Variants in RASAL2 observed in about 807,000 individuals in gnomAD.
RASAL2 encodes RAS protein activator like 2.
RASAL2 carries 58 observed loss-of-function variants against 128.9 expected under a neutral mutation model. The ratio of observed to expected loss-of-function variants is 0.45; its 90% CI spans 0.36 to 0.56. RASAL2 has a LOEUF of 0.56. Among genes scored for constraint, RASAL2 ranks in the 20% least tolerant of loss-of-function variants. The pLI is 0.00. For missense variants in RASAL2, 1,360 were observed against 1,601.6 expected (o/e 0.85, Z 2.57); for synonymous variants, 561 against 580.8 (o/e 0.97, Z 0.49).
chr1:178,163,769 C>T (rs1661417797), intron 1 of RASAL2, among the ~76,000 whole-genome samples: 1 of 152,044 alleles, frequency 6.6e-6, no homozygotes, highest in African/African-American at 2.4e-5. Context: ...TTTGGAGGCC[C>T]TTGTTATTCC....
At chr1:178,431,828 A>G (rs891458059) in intron 5 of RASAL2, among the ~76,000 whole-genome samples, 4 of 150,508 alleles carry the variant, frequency 2.7e-5, no homozygotes, top group African/African-American at 7.3e-5. Context: ...ATGTAAATGA[A>G]TATGTATATA....
intron 1 of RASAL2, among the ~76,000 whole-genome samples, chr1:178,270,319 T>C (rs1182922420): frequency 6.6e-6 from 1 of 152,130 alleles, no homozygotes; most frequent in Non-Finnish European, 1.5e-5. Flanking sequence ...TGCCTATTAT[T>C]TTTATCTTGA....
At chr1:178,275,475 G>T (rs930645771) in intron 1 of RASAL2, among the ~76,000 whole-genome samples, 5 of 152,200 alleles carry the variant, frequency 3.3e-5, no homozygotes, top group Admixed American at 6.5e-5. Flanking sequence ...GAGAAGCAAG[G>T]TAGAACTATC....
intron 3 of RASAL2, among the ~76,000 whole-genome samples, chr1:178,386,701 T>C (rs1672593301): frequency 6.6e-6 from 1 of 152,236 alleles, no homozygotes; most frequent in African/African-American, 2.4e-5. Context: ...TGTATCTCTC[T>C]TGTCTCATCA....
intron 1 of RASAL2, among the ~76,000 whole-genome samples, chr1:178,232,795 T>G (rs1664064054): frequency 6.6e-6 from 1 of 152,002 alleles, no homozygotes; most frequent in Non-Finnish European, 1.5e-5. Flanking sequence ...CTAGGCAAGG[T>G]TTTTTTTCTT....
At chr1:178,417,617 C>T (rs1016572625) in intron 4 of RASAL2, among the ~76,000 whole-genome samples, 1 of 151,672 alleles carries the variant, frequency 6.6e-6, no homozygotes, top group Admixed American at 6.6e-5. Context: ...CAAAATTAGC[C>T]AGGTGTGTAA....
chr1:178,442,996 G>T lies in RASAL2; in HGVS notation c.1249G>T (p.Val417Leu), dbSNP rs988321552. 2.5e-6 allele frequency: 4 copies of T among 1,613,948 alleles called. No individual in the cohort carries two copies. Among genetic ancestry groups the T allele is most frequent in the Non-Finnish European group, 3.4e-6 (4 of 1,179,984 alleles). ...GRQFVEKWYP[V>L]STPTPNKGKT... ...CCAATTTGTAGAAAAGTGGTATCCA[G>T]TGAGTACACCTACACCCAACAAAGG... The change falls in exon 8 of 18, where the codon GTG becomes TTG. Residue 417 changes from valine to leucine, a missense_variant. Around this residue, in one of 3 missense-constraint regions of RASAL2, gnomAD observed 617 missense variants for 714.2 expected, o/e 0.86. Transcript: ENST00000367649.
intron 3 of RASAL2, among the ~76,000 whole-genome samples, chr1:178,302,655 T>C (rs1667817148): frequency 6.6e-6 from 1 of 152,206 alleles, no homozygotes; most frequent in African/African-American, 2.4e-5. Context: ...AAGTTGATTC[T>C]AAAATTCATC....
chr1:178,138,407 A>C (rs976019487), intron 1 of RASAL2, among the ~76,000 whole-genome samples: 2 of 152,218 alleles, frequency 1.3e-5, no homozygotes, highest in Admixed American at 6.5e-5. Context: ...AAAGTTTTAC[A>C]TAAAGTACTT....
chr1:178,452,370 T>A, intron 10 of RASAL2, 46 bp from the exon 11 acceptor site: 1 of 1,510,770 alleles, frequency 6.6e-7, no homozygotes, highest in Non-Finnish European at 9.2e-7. Context: ...GTGCTTGTAC[T>A]GGTACTTCTG....
At chr1:178,216,074 G>A (rs1311773768) in intron 1 of RASAL2, among the ~76,000 whole-genome samples, 1 of 152,198 alleles carries the variant, frequency 6.6e-6, no homozygotes, top group Non-Finnish European at 1.5e-5. Flanking sequence ...TTTAGAGGTT[G>A]ACAATGAGAG....
chr1:178,262,884 G>C (rs1193614091), intron 1 of RASAL2, among the ~76,000 whole-genome samples: 1 of 147,704 alleles, frequency 6.8e-6, no homozygotes, highest in East Asian at 2.0e-4. Flanking sequence ...CTAAATAACA[G>C]AAAGTGTTTT....
At chr1:178,187,529 G>A (rs1455369139) in intron 1 of RASAL2, among the ~76,000 whole-genome samples, 1 of 151,998 alleles carries the variant, frequency 6.6e-6, no homozygotes, top group Admixed American at 6.6e-5. Context: ...TCTGGTTGAA[G>A]TTCACAAAAG....
chr1:178,467,206 A>G, intron 16 of RASAL2, 128 bp from the exon 17 acceptor site: 1 of 704,748 alleles, frequency 1.4e-6, no homozygotes, highest in South Asian at 1.7e-5. Context: ...CCAAGGTAGT[A>G]GAGAAGAAAG....
intron 4 of RASAL2, among the ~76,000 whole-genome samples, chr1:178,393,499 C>T (rs1673037543): frequency 6.6e-6 from 1 of 152,170 alleles, no homozygotes; most frequent in African/African-American, 2.4e-5. Context: ...GCTCAGGCTG[C>T]AAGTCGATGG....
At chr1:178,351,038 G>A (rs181036412) in intron 3 of RASAL2, among the ~76,000 whole-genome samples, 1 of 152,128 alleles carries the variant, frequency 6.6e-6, no homozygotes, top group Non-Finnish European at 1.5e-5. Flanking sequence ...GCAGGCAGGA[G>A]CAGGACTTGG....
intron 5 of RASAL2, among the ~76,000 whole-genome samples, chr1:178,428,107 T>C (rs1675643629): frequency 6.6e-6 from 1 of 151,818 alleles, no homozygotes; most frequent in Non-Finnish European, 1.5e-5. Context: ...CATGTATCAG[T>C]AGTTTGTTTC....
intron 3 of RASAL2, among the ~76,000 whole-genome samples, chr1:178,324,412 A>AG (rs1417058595): frequency 2.6e-5 from 4 of 151,596 alleles, no homozygotes; most frequent in African/African-American, 4.8e-5. Flanking sequence ...CTCGATCTCT[A>AG]GGAAAAAAAA....
rs753157247 is a variant in RASAL2 at position 178,464,290 on chromosome 1, G to C, written c.3265G>C (p.Val1089Leu). 1 of 1,612,726 alleles carries C rather than the reference G, an allele frequency of 6.2e-7. No individual in the cohort carries two copies. The highest frequency in any genetic ancestry group is 8.5e-7 in the Non-Finnish European group (1 of 1,179,238). ...GTTTCTGATGCAGGTTCAGTCACCT[G>C]TGGACTCTGCCACAATGTCCCCAGT... ...RQQTQQVQSP[V>L]DSATMSPVER... Residue 1089 changes from valine to leucine, a missense_variant, in exon 15 of 18, where the codon GTG becomes CTG. Coordinates refer to ENST00000367649, the MANE Select transcript of RASAL2 (RefSeq NM_170692.4).
Sources: gnomAD v4.1 joint callset for allele counts (sites outside exome capture counted in the v4.1 genomes callset) on GRCh38, gnomAD v4.1.1 for gene constraint, gnomAD v4.1.1 regional missense constraint, MANE v1.5 for transcripts, NCBI Gene and HGNC (gene_info 2026-07-23, HGNC 2026-07-21) for gene names.